LYST: variants seen among roughly 807,000 people sequenced by gnomAD.
LYST encodes the protein lysosomal trafficking regulator.
Under a neutral mutation model 413.6 loss-of-function variants are expected in LYST, and 192 were observed. The ratio of observed to expected loss-of-function variants is 0.46; its 90% confidence interval spans 0.41 to 0.52. The LOEUF (loss-of-function observed/expected upper bound fraction) is 0.52, where lower values mean the gene tolerates loss of function less well. LYST is among the 20% of genes least tolerant of loss of function. The probability of loss-of-function intolerance (pLI) is 0.00; values close to 1 mark genes in which losing one functional copy is unlikely to be tolerated. For synonymous variants in LYST, 1,525 were observed against 1,567.3 expected (o/e 0.97, Z 0.64); for missense variants, 3,815 against 4,499.9 (o/e 0.85, Z 4.35).
intron 3 of LYST, among the ~76,000 whole-genome samples, chr1:235,824,848 C>T (rs990683409): frequency 4.6e-5 from 7 of 151,974 alleles, no homozygotes; most frequent in South Asian, 4.2e-4. Flanking sequence ...GGTGAAACCC[C>T]GTCTCTACTA....
rs1672902701 is a variant in LYST at position 235,806,856 on chromosome 1, C to CTAT, written c.2364-87_2364-85dup. 9.5e-5 allele frequency: 85 copies of CTAT among 895,202 alleles called. 3 individuals carry two copies. In the South Asian group the frequency reaches 1.2e-3, roughly 12 times the overall value. The allele number at this position is 895,202 out of a possible 1,614,324, so 55.5% of individuals were successfully genotyped here. On this transcript the variant is annotated intron_variant, in intron 5 of 52. Transcript: ENST00000389793. Reference sequence around the variant, plus strand: ...GGTACATATAATATTTAATATATCGCTATTGCATGTGGGATATACTAACCA... The same window carrying CTAT: ...GGTACATATAATATTTAATATATCGCTATTATTGCATGTGGGATATACTAACCA...
chr1:235,738,960 T>C, intron 31 of LYST: 1 of 727,818 alleles, frequency 1.4e-6, no homozygotes, highest in South Asian at 1.4e-5. Context: ...AGATCCACTT[T>C]GGGGGATACA....
In LYST at chr1:235,693,480, C is replaced by T; in HGVS notation, c.10571G>A (p.Arg3524Lys). The T allele has an allele frequency of 1.9e-6, 3 of 1,614,126 alleles. No individual in the cohort carries two copies. The highest frequency in any genetic ancestry group is 1.3e-5 in the African/African-American group (1 of 75,060). ...LMTYSKEQGV[R>K]SMNSTDIQWS... ...CTGAATGTCCGTACTGTTCATGCTT[C>T]TCACACCTCAAGGAGAAGGAGAAAG... Residue 3524 changes from arginine (R) to lysine (K), a missense_variant, in exon 47 of 53, where the codon AGA becomes AAA. This residue lies in a region of LYST where 866 missense variants were observed against 1,156.0 expected (regional missense o/e 0.75). Coordinates refer to ENST00000389793, the MANE Select transcript of LYST (RefSeq NM_000081.4).
chr1:235,798,922 T>C (rs1282605404), intron 10 of LYST, among the ~76,000 whole-genome samples: 2 of 152,166 alleles, frequency 1.3e-5, no homozygotes, highest in African/African-American at 2.4e-5. Context: ...ATTGTGGTCA[T>C]GGTTGCACAG....
intron 44 of LYST, among the ~76,000 whole-genome samples, chr1:235,704,987 G>A (rs1160463919): frequency 6.6e-6 from 1 of 152,156 alleles, no homozygotes; most frequent in Admixed American, 6.5e-5. Context: ...AGGGCAACAG[G>A]CATCTCTACA....
intron 14 of LYST, among the ~76,000 whole-genome samples, chr1:235,782,524 G>A (rs1445254289): frequency 6.6e-6 from 1 of 152,110 alleles, no homozygotes; most frequent in Non-Finnish European, 1.5e-5. Context: ...AGCTGGCACT[G>A]GGGCAAGAGA....
intron 31 of LYST, among the ~76,000 whole-genome samples, chr1:235,740,119 C>T (rs751860031): frequency 6.6e-6 from 1 of 152,058 alleles, no homozygotes; most frequent in Non-Finnish European, 1.5e-5. Context: ...GAAGACAGTG[C>T]CCTCAGTGTA....
intron 19 of LYST, among the ~76,000 whole-genome samples, chr1:235,771,993 C>T (rs182668579): frequency 3.8e-4 from 46 of 121,960 alleles, no homozygotes; most frequent in East Asian, 1.3e-3. Flanking sequence ...GAGGCCAAGG[C>T]GGGAGGACTG....
At chr1:235,742,665 A>G (rs527832424) in intron 30 of LYST, among the ~76,000 whole-genome samples, 7 of 151,930 alleles carry the variant, frequency 4.6e-5, no homozygotes, top group Non-Finnish European at 8.8e-5. Flanking sequence ...AAAGGCTCAA[A>G]AATTATAAAT....
chr1:235,807,775 A>G (rs181624063), intron 5 of LYST, among the ~76,000 whole-genome samples: 1 of 152,272 alleles, frequency 6.6e-6, no homozygotes, highest in East Asian at 1.9e-4. Context: ...TAATTTTAAT[A>G]TTCTTATTTT....
At chr1:235,846,196 G>A (rs1405849203) in intron 1 of LYST, among the ~76,000 whole-genome samples, 1 of 152,160 alleles carries the variant, frequency 6.6e-6, no homozygotes, top group Non-Finnish European at 1.5e-5. Flanking sequence ...CACATCACAG[G>A]ACTCTGTGTA....
chr1:235,879,228 T>C (rs943711766), intron 1 of LYST, among the ~76,000 whole-genome samples: 2 of 152,224 alleles, frequency 1.3e-5, no homozygotes, highest in African/African-American at 4.8e-5. Context: ...TGTGGCTGAC[T>C]GTTAATACAC....
At chr1:235,822,786 C>T (rs1366271389) in intron 3 of LYST, among the ~76,000 whole-genome samples, 1 of 152,184 alleles carries the variant, frequency 6.6e-6, no homozygotes, top group Non-Finnish European at 1.5e-5. Flanking sequence ...ACAATGTGAT[C>T]AACATGTTGT....
At position 235,759,196 on chromosome 1, in the gene LYST, C is replaced by T; in HGVS notation, c.6657G>A (p.Gly2219=). The T allele has an allele frequency of 6.2e-7, 1 of 1,614,114 alleles. No individual in the cohort carries two copies. Among genetic ancestry groups the T allele is most frequent in the Non-Finnish European group, 8.5e-7 (1 of 1,180,022 alleles). ...AEPRSEDDSP[G]DESCPRRPDY... ...CAGGTCGGCGTGGGCAGGACTCATC[C>T]CCAGGACTGTCATCTTCTGACCTGG... The change falls in exon 23 of 53, where the codon GGG becomes GGA. Residue 2219 remains glycine, a synonymous_variant. Transcript: ENST00000389793.
At chr1:235,834,230 A>T (rs1480414322) in intron 1 of LYST, among the ~76,000 whole-genome samples, 1 of 152,160 alleles carries the variant, frequency 6.6e-6, no homozygotes, top group Non-Finnish European at 1.5e-5. Flanking sequence ...CTAAAGGATA[A>T]ATTTCTATTT....
At chr1:235,807,520 G>A (rs983161990) in intron 5 of LYST, among the ~76,000 whole-genome samples, 1 of 152,084 alleles carries the variant, frequency 6.6e-6, no homozygotes, top group Admixed American at 6.6e-5. Context: ...CAAAATGTCA[G>A]AAAAATTTTT....
At chr1:235,668,010 C>A (rs1658636520) in intron 50 of LYST, among the ~76,000 whole-genome samples, 2 of 151,960 alleles carry the variant, frequency 1.3e-5, no homozygotes, top group Non-Finnish European at 2.9e-5. Flanking sequence ...ATACCAAATA[C>A]AATATAAGTG....
chr1:235,745,226 T>C (rs1158472227), intron 29 of LYST, among the ~76,000 whole-genome samples: 4 of 152,210 alleles, frequency 2.6e-5, no homozygotes, highest in Non-Finnish European at 4.4e-5. Flanking sequence ...CTTTTTTTTA[T>C]GTGTGATGAG....
chr1:235,800,974 AG>A lies in LYST; in HGVS notation c.3835del (p.Leu1279PhefsTer19). ...ATCAAGTTTGGCTTTACTAGCAGAA[AG>A]CAAATTTAATTCCAGCATACAAATC... ...PEICMLELNL[L>X]SASKAKLDVL... On this transcript the variant is annotated frameshift_variant, in exon 9 of 53. Coordinates refer to ENST00000389793, the MANE Select transcript of LYST (RefSeq NM_000081.4). LOFTEE classifies it high-confidence loss of function. The A allele has an allele frequency of 6.2e-7, 1 of 1,613,794 alleles. No individual in the cohort carries two copies. The highest frequency in any genetic ancestry group is 8.5e-7 in the Non-Finnish European group (1 of 1,179,790).
Sources: allele counts gnomAD v4.1 joint callset (sites outside exome capture counted in the v4.1 genomes callset), GRCh38; gene constraint gnomAD v4.1.1; regional missense constraint gnomAD v4.1.1; transcripts MANE v1.5; gene names NCBI Gene and HGNC (gene_info 2026-07-23, HGNC 2026-07-21).